RNF130: variants seen among roughly 807,000 people sequenced by gnomAD.
RNF130 encodes ring finger protein 130, also known as E3 ubiquitin-protein ligase RNF130.
In RNF130, 21 loss-of-function variants were observed where a neutral mutation model predicts 44.6. The ratio of observed to expected loss-of-function variants is 0.47; its 90% CI spans 0.33 to 0.68. The LOEUF is 0.68. Among genes scored for constraint, RNF130 ranks in the 30% least tolerant of loss-of-function variants. RNF130 has a pLI of 0.02. For synonymous variants in RNF130, 214 were observed against 210.4 expected (o/e 1.02, Z -0.15); for missense variants, 479 against 560.6 (o/e 0.85, Z 1.47).
chr5:179,948,370 G>C (rs1456258041), intron 7 of RNF130, among the ~76,000 whole-genome samples: 1 of 152,106 alleles, frequency 6.6e-6, no homozygotes, highest in African/African-American at 2.4e-5. Flanking sequence ...TCTATTCTTT[G>C]TTCTGTTTGT....
chr5:179,996,912 G>C (rs1202213090), intron 3 of RNF130, among the ~76,000 whole-genome samples: 1 of 152,082 alleles, frequency 6.6e-6, no homozygotes, highest in Non-Finnish European at 1.5e-5. Context: ...TTAAATGTTT[G>C]GCAGAATTCT....
At chr5:179,934,955 G>A (rs527621222) in intron 7 of RNF130, among the ~76,000 whole-genome samples, 2 of 151,856 alleles carry the variant, frequency 1.3e-5, no homozygotes, top group African/African-American at 2.4e-5. Flanking sequence ...CAAATGCTTC[G>A]AACTTTTCGC....
intron 8 of RNF130, among the ~76,000 whole-genome samples, chr5:179,960,903 G>T (rs753321394): frequency 1.3e-5 from 2 of 151,770 alleles, no homozygotes; most frequent in Non-Finnish European, 2.9e-5. Flanking sequence ...GGCAAAAACA[G>T]AAATAAAATA....
intron 7 of RNF130, among the ~76,000 whole-genome samples, chr5:179,949,818 C>T (rs553966196): frequency 2.0e-5 from 3 of 152,284 alleles, no homozygotes; most frequent in East Asian, 1.9e-4. Context: ...TAATTAAGAC[C>T]AGAGATGAGA....
At chr5:179,981,550 T>C (rs1229019611) in intron 3 of RNF130, among the ~76,000 whole-genome samples, 1 of 152,280 alleles carries the variant, frequency 6.6e-6, no homozygotes, top group Admixed American at 6.5e-5. Context: ...ATTTTTCATC[T>C]GTTTCCCTCT....
chr5:180,016,563 G>A (rs73350172), intron 2 of RNF130, among the ~76,000 whole-genome samples: 16,199 of 152,204 alleles, frequency 0.11, 1,855 homozygotes, highest in African/African-American at 0.29. Flanking sequence ...AGTACTAACT[G>A]TCAGAGATGG....
At chr5:180,012,878 C>A (rs1295411317) in intron 3 of RNF130, among the ~76,000 whole-genome samples, 183 bp downstream of exon 3, 1 of 152,114 alleles carries the variant, frequency 6.6e-6, no homozygotes, top group Admixed American at 6.5e-5. Context: ...AAATTTAGTA[C>A]CTTTTAGGTT....
chr5:180,064,241 G>A (rs1278288028), intron 1 of RNF130, among the ~76,000 whole-genome samples: 1 of 152,126 alleles, frequency 6.6e-6, no homozygotes, highest in Non-Finnish European at 1.5e-5. Flanking sequence ...CACTGGAGTT[G>A]GAGAAGATGC....
At chr5:179,987,969 T>G (rs1762992683) in intron 3 of RNF130, among the ~76,000 whole-genome samples, 1 of 152,202 alleles carries the variant, frequency 6.6e-6, no homozygotes, top group South Asian at 2.1e-4. Flanking sequence ...TTGGAATAAT[T>G]TGGGTCTGGT....
intron 1 of RNF130, among the ~76,000 whole-genome samples, chr5:180,047,808 C>A (rs114502502): frequency 6.6e-6 from 1 of 152,180 alleles, no homozygotes; most frequent in Non-Finnish European, 1.5e-5. Flanking sequence ...CCCAGCCAAG[C>A]GCTCTCCTCT....
At chr5:179,968,686 A>AG (rs1292166390) in intron 6 of RNF130, among the ~76,000 whole-genome samples, 4 of 151,792 alleles carry the variant, frequency 2.6e-5, no homozygotes, top group Middle Eastern at 3.2e-3. Context: ...AAAAAAAAAA[A>AG]AAGAGAGAAA....
intron 3 of RNF130, among the ~76,000 whole-genome samples, chr5:179,982,256 C>T (rs1582161476): frequency 6.6e-6 from 1 of 151,348 alleles, no homozygotes; most frequent in Non-Finnish European, 1.5e-5. Context: ...TATCTAGTAT[C>T]CCACTGAAGA....
Position 179,955,464 on chromosome 5 carries a change from A to G in RNF130, c.*190T>C. ...TCAAAACACAGGTCTGGTTAATAAG[A>G]CTCAACAGCACAGACTTTTTATTTT... On this transcript the variant is annotated 3_prime_UTR_variant, in exon 9 of 9. Coordinates refer to ENST00000521389, the MANE Select transcript of RNF130 (RefSeq NM_018434.6). 2 of 501,426 alleles carry G rather than the reference A, an allele frequency of 4.0e-6. No homozygotes were observed. The highest frequency in any genetic ancestry group is 7.1e-6 in the Non-Finnish European group (2 of 280,168). 31.1% of individuals were successfully genotyped at this position (501,426 alleles called of 1,614,324 possible). A position where few individuals can be genotyped will look rare whatever the true frequency, so the allele number is the denominator to read the frequency against.
intron 3 of RNF130, among the ~76,000 whole-genome samples, chr5:179,994,761 C>T (rs184982319): frequency 3.9e-5 from 6 of 152,296 alleles, no homozygotes; most frequent in African/African-American, 1.4e-4. Context: ...GTGCTGTGCA[C>T]TTATGTAAGC....
At chr5:180,009,986 G>A (rs1763549645) in intron 3 of RNF130, among the ~76,000 whole-genome samples, 1 of 152,082 alleles carries the variant, frequency 6.6e-6, no homozygotes, top group African/African-American at 2.4e-5. Flanking sequence ...AGTGGCTCAC[G>A]CCTGTAATCC....
chr5:179,980,410 A>T, intron 3 of RNF130: 1 of 523,242 alleles, frequency 1.9e-6, no homozygotes, highest in South Asian at 2.3e-5. Flanking sequence ...ACACCCTGTT[A>T]GGTCAAACAG....
At chr5:179,944,167 CA>C (rs1030469984) in intron 7 of RNF130, among the ~76,000 whole-genome samples, 20 of 152,066 alleles carry the variant, frequency 1.3e-4, no homozygotes, top group African/African-American at 4.8e-4. Context: ...CGGGGGGGTT[CA>C]CCATATTGGC....
intron 3 of RNF130, among the ~76,000 whole-genome samples, chr5:179,993,300 C>T (rs1200642971): frequency 6.6e-6 from 1 of 152,232 alleles, no homozygotes; most frequent in Non-Finnish European, 1.5e-5. Flanking sequence ...AATCACCACA[C>T]TGTCTTCCAC....
At position 179,977,605 on chromosome 5, in the gene RNF130, G is replaced by A. The variant is rs1004085851; in HGVS notation, c.848+598C>T. 2.0e-5 allele frequency among the ~76,000 whole-genome samples: 3 copies of A among 152,086 alleles called. No homozygotes were observed. Among genetic ancestry groups the A allele is most frequent in the Non-Finnish European group, 4.4e-5 (3 of 67,996 alleles). On this transcript the variant is annotated intron_variant, in intron 5 of 8. Coordinates refer to ENST00000521389, the MANE Select transcript of RNF130 (RefSeq NM_018434.6). The surrounding 1 kb of genome is among the most constrained non-coding windows in gnomAD (Gnocchi z 4.1). Reference sequence around the variant, plus strand: ...CGGTGGCTCACGCCTGTAATCCCAGGACTTTGGGAGGCTGAGGCAGGCAGA... The same window carrying A: ...CGGTGGCTCACGCCTGTAATCCCAGAACTTTGGGAGGCTGAGGCAGGCAGA...
Sources: gnomAD v4.1 joint callset for allele counts (sites outside exome capture counted in the v4.1 genomes callset) on GRCh38, gnomAD v4.1.1 for gene constraint, Gnocchi (gnomAD v3.1) non-coding constraint, MANE v1.5 for transcripts, NCBI Gene and HGNC (gene_info 2026-07-23, HGNC 2026-07-21) for gene names.